FOXP2: variants seen among roughly 807,000 people sequenced by gnomAD.
FOXP2 encodes forkhead box P2.
In FOXP2, 12 loss-of-function variants were observed where a neutral mutation model predicts 115.8. That is an observed-to-expected ratio of 0.10 (90% CI 0.07 to 0.17). The LOEUF is 0.17. FOXP2 is among the 10% of genes least tolerant of loss of function. The pLI, the probability that FOXP2 is intolerant of heterozygous loss-of-function variation, is 1.00. For synonymous variants in FOXP2, 328 were observed against 297.7 expected (o/e 1.10, Z -1.05); for missense variants, 629 against 843.5 (o/e 0.75, Z 3.15).
At chr7:114,337,735 A>C (rs928990537) in intron 2 of FOXP2, among the ~76,000 whole-genome samples, 3 of 151,184 alleles carry the variant, frequency 2.0e-5, no homozygotes, top group African/African-American at 4.8e-5. Flanking sequence ...TTAGATGAAA[A>C]ATGAAAATAG....
rs1808654548 is a variant in FOXP2 at position 114,691,261 on chromosome 7, G to A, written c.*1335G>A. 1 of 451,692 alleles carries A rather than the reference G, an allele frequency of 2.2e-6. No homozygotes were observed. Among genetic ancestry groups the A allele is most frequent in the Non-Finnish European group, 4.4e-6 (1 of 226,276 alleles). The allele number at this position is 451,692 out of a possible 1,614,324, so 28.0% of individuals were successfully genotyped here. ...GTGTACTATTTTTTTATAGTCTTAA[G>A]TTATAATGAAAAAACAAAAAGTAGG... On this transcript the variant is annotated 3_prime_UTR_variant, in exon 17 of 17. Transcript: ENST00000350908.
intron 1 of FOXP2, among the ~76,000 whole-genome samples, chr7:114,258,341 A>G (rs1429675968): frequency 6.6e-6 from 1 of 152,214 alleles, no homozygotes; most frequent in Non-Finnish European, 1.5e-5. Flanking sequence ...ATGATTGGTT[A>G]ATGTTCCTAT....
intron 2 of FOXP2, among the ~76,000 whole-genome samples, chr7:114,380,574 T>C (rs1792265173): frequency 6.6e-6 from 1 of 152,218 alleles, no homozygotes; most frequent in Non-Finnish European, 1.5e-5. Flanking sequence ...ACAGTTCCGT[T>C]CTATCTTTTC....
chr7:114,548,461 A>G (rs1800042476), intron 3 of FOXP2, among the ~76,000 whole-genome samples: 1 of 152,206 alleles, frequency 6.6e-6, no homozygotes, highest in African/African-American at 2.4e-5. Flanking sequence ...TTTACCAAAT[A>G]TATTAGTACT....
chr7:114,689,854 A>G lies in FOXP2; in HGVS notation c.2076A>G (p.Thr692=), dbSNP rs766377578. 2 of 1,613,474 alleles carry G rather than the reference A, an allele frequency of 1.2e-6. No individual in the cohort carries two copies. Among genetic ancestry groups the G allele is most frequent in the African/African-American group, 2.7e-5 (2 of 74,900 alleles). The change falls in exon 17 of 17, where the codon ACA becomes ACG. Residue 692 remains threonine (T), a synonymous_variant. Coordinates refer to ENST00000350908, the MANE Select transcript of FOXP2 (RefSeq NM_014491.4). ...ACTGCCCAATGTCCTTAGTGACAACAGCTAATCACAGTCCAGAATTAGAAG... is the reference window on the plus strand; with the variant it reads ...ACTGCCCAATGTCCTTAGTGACAACGGCTAATCACAGTCCAGAATTAGAAG... The part of the protein sequence containing the change: ...DEDCPMSLVT[T]ANHSPELEDD...
upstream of FOXP2, among the ~76,000 whole-genome samples, chr7:114,160,306 G>A (rs1193031021): frequency 6.6e-6 from 1 of 152,062 alleles, no homozygotes; most frequent in African/African-American, 2.4e-5. Flanking sequence ...TGCTTTCTGA[G>A]GCTACTTCTG....
At chr7:114,206,807 A>C (rs539233019) in intron 1 of FOXP2, among the ~76,000 whole-genome samples, 1 of 152,332 alleles carries the variant, frequency 6.6e-6, no homozygotes, top group South Asian at 2.1e-4. Flanking sequence ...AGCTTTATTA[A>C]AACATAATTC....
intron 2 of FOXP2, among the ~76,000 whole-genome samples, chr7:114,439,997 A>G (rs942723355): frequency 2.6e-5 from 4 of 152,226 alleles, no homozygotes; most frequent in African/African-American, 9.6e-5. Flanking sequence ...CAGCATTTGT[A>G]GAAACCTATC....
chr7:114,468,823 A>G (rs539853990), intron 2 of FOXP2, among the ~76,000 whole-genome samples: 53 of 152,248 alleles, frequency 3.5e-4, no homozygotes, highest in Admixed American at 2.0e-3. Context: ...TCAACTTCCA[A>G]TTCTCATCAG....
chr7:114,229,174 A>G (rs1477799710), intron 1 of FOXP2, among the ~76,000 whole-genome samples: 1 of 151,154 alleles, frequency 6.6e-6, no homozygotes, highest in East Asian at 1.9e-4. Context: ...TAATGATAAA[A>G]GAGTAAATTC....
intron 3 of FOXP2, among the ~76,000 whole-genome samples, chr7:114,593,648 T>C (rs1343052724): frequency 6.6e-6 from 1 of 152,062 alleles, no homozygotes; most frequent in African/African-American, 2.4e-5. Context: ...ATACAATGTA[T>C]TTCCCAAATT....
chr7:114,262,840 T>C (rs958517367), intron 1 of FOXP2, among the ~76,000 whole-genome samples: 5 of 152,200 alleles, frequency 3.3e-5, no homozygotes, highest in African/African-American at 4.8e-5. Context: ...TGCACACTCA[T>C]GGTAAATAAA....
intron 2 of FOXP2, among the ~76,000 whole-genome samples, chr7:114,449,482 G>T (rs545842979): frequency 2.0e-5 from 3 of 151,902 alleles, no homozygotes; most frequent in African/African-American, 7.3e-5. Context: ...CATTAAGACC[G>T]TTTTTTTCTG....
At chr7:114,312,090 C>T (rs1797160460) in intron 2 of FOXP2, among the ~76,000 whole-genome samples, 1 of 152,102 alleles carries the variant, frequency 6.6e-6, no homozygotes, top group Non-Finnish European at 1.5e-5. Context: ...GAGTGGCCAC[C>T]TGCTGGGCAC....
chr7:114,235,268 A>G (rs1206474254), intron 1 of FOXP2, among the ~76,000 whole-genome samples: 1 of 152,170 alleles, frequency 6.6e-6, no homozygotes, highest in Admixed American at 6.5e-5. Flanking sequence ...TGTTAAAACA[A>G]TTATTTTATA....
At chr7:114,489,293 G>A (rs147360399) in intron 2 of FOXP2, among the ~76,000 whole-genome samples, 298 of 151,888 alleles carry the variant, frequency 2.0e-3, no homozygotes, top group Non-Finnish European at 3.1e-3. Flanking sequence ...ATATAAGTTG[G>A]GTTTTTTTGA....
intron 1 of FOXP2, among the ~76,000 whole-genome samples, chr7:114,147,438 A>AT (rs1367782510): frequency 6.6e-6 from 1 of 152,132 alleles, no homozygotes; most frequent in Non-Finnish European, 1.5e-5. Flanking sequence ...CAAGGCTTTT[A>AT]TTTTAAAGCA....
intron 2 of FOXP2, among the ~76,000 whole-genome samples, chr7:114,527,219 G>T (rs926051001): frequency 6.6e-6 from 1 of 151,956 alleles, no homozygotes; most frequent in South Asian, 2.1e-4. Context: ...GGGAATTTGG[G>T]TTGTTTACAT....
chr7:114,324,139 G>A (rs1484459491), intron 2 of FOXP2, among the ~76,000 whole-genome samples: 1 of 151,646 alleles, frequency 6.6e-6, no homozygotes, highest in African/African-American at 2.4e-5. Flanking sequence ...ATTCAGCATT[G>A]TAAATCCTCC....
Sources: gnomAD v4.1 joint callset for allele counts (sites outside exome capture counted in the v4.1 genomes callset) on GRCh38, gnomAD v4.1.1 for gene constraint, MANE v1.5 for transcripts, NCBI Gene and HGNC (gene_info 2026-07-23, HGNC 2026-07-21) for gene names.